Variants in PLXDC2 observed in about 807,000 individuals in gnomAD.
PLXDC2 encodes plexin domain containing 2, also known as plexin domain-containing protein 2.
A neutral mutation model predicts 68.9 loss-of-function variants in PLXDC2; 40 were observed. The observed-to-expected ratio is 0.58, with a 90% CI of 0.45 to 0.76. The LOEUF is 0.76. Ranked by LOEUF, PLXDC2 falls within the 30% of genes least tolerant of loss-of-function variation. The pLI is 0.00. For missense variants in PLXDC2, 644 were observed against 661.9 expected, an observed-to-expected ratio of 0.97 and a Z score of 0.30; for synonymous variants, 243 against 234.2, an observed-to-expected ratio of 1.04 and a Z score of -0.34.
intron 12 of PLXDC2, among the ~76,000 whole-genome samples, chr10:20,238,581 A>G (rs1835464687): frequency 1.3e-5 from 2 of 149,582 alleles, no homozygotes; most frequent in Admixed American, 1.3e-4. Flanking sequence ...CGGGAGGCAG[A>G]GGCTGCAGTG....
intron 1 of PLXDC2, among the ~76,000 whole-genome samples, chr10:19,831,454 C>T (rs2884470): frequency 0.27 from 40,860 of 151,802 alleles, 6,223 homozygotes; most frequent in East Asian, 0.46. Context: ...TTATTTTAGG[C>T]TGAGGGGTAC....
At chr10:19,973,069 T>G (rs1834380402) in intron 1 of PLXDC2, among the ~76,000 whole-genome samples, 1 of 151,948 alleles carries the variant, frequency 6.6e-6, no homozygotes, top group Non-Finnish European at 1.5e-5. Context: ...TAACTTAGAG[T>G]CCTTAATGAG....
intron 9 of PLXDC2, among the ~76,000 whole-genome samples, chr10:20,183,859 T>C (rs1176006969): frequency 1.3e-5 from 2 of 151,996 alleles, no homozygotes; most frequent in Non-Finnish European, 2.9e-5. Context: ...GCATAAGATA[T>C]TCGCAGTGAG....
intron 7 of PLXDC2, among the ~76,000 whole-genome samples, chr10:20,170,566 T>C (rs1834434544): frequency 6.6e-6 from 1 of 152,150 alleles, no homozygotes; most frequent in Non-Finnish European, 1.5e-5. Flanking sequence ...GCTTTGCCCA[T>C]GAAATATGCA....
chr10:20,234,074 G>A (rs966225251), intron 12 of PLXDC2, among the ~76,000 whole-genome samples: 4 of 151,274 alleles, frequency 2.6e-5, no homozygotes, highest in Non-Finnish European at 5.9e-5. Context: ...TGATCCTCTC[G>A]CCTCAGCTTC....
chr10:19,823,950 A>G (rs1445998551), intron 1 of PLXDC2, among the ~76,000 whole-genome samples: 1 of 152,078 alleles, frequency 6.6e-6, no homozygotes, highest in Non-Finnish European at 1.5e-5. Context: ...CAGGGCTGCA[A>G]TGAGCTGTGA....
At chr10:20,000,006 T>C (rs574353068) in intron 1 of PLXDC2, among the ~76,000 whole-genome samples, 3 of 152,270 alleles carry the variant, frequency 2.0e-5, no homozygotes, top group African/African-American at 7.2e-5. Context: ...GATTCTTCCT[T>C]GCACAGTAGT....
chr10:19,973,948 C>T lies in PLXDC2; in HGVS notation c.113-27827C>T, dbSNP rs368085863. 5.1e-3 allele frequency among the ~76,000 whole-genome samples: 774 copies of T among 152,302 alleles called. 3 individuals are homozygous for T. Among genetic ancestry groups the T allele is most frequent in the Non-Finnish European group, 8.8e-3 (596 of 68,022 alleles). ...GAATAAGGAGCTAAAATTAGAACAT[C>T]TCATTTTTTCAAGAGAGTTTTATAG... On this transcript the variant is annotated intron_variant, in intron 1 of 13. Coordinates refer to ENST00000377252, the MANE Select transcript of PLXDC2 (RefSeq NM_032812.9).
At chr10:20,162,347 G>A (rs1834311339) in intron 6 of PLXDC2, among the ~76,000 whole-genome samples, 1 of 152,130 alleles carries the variant, frequency 6.6e-6, no homozygotes, top group Non-Finnish European at 1.5e-5. Context: ...ATAAGCTCAA[G>A]TACTGCTGTG....
intron 7 of PLXDC2, among the ~76,000 whole-genome samples, chr10:20,173,020 A>G (rs1834469655): frequency 6.6e-6 from 1 of 152,204 alleles, no homozygotes; most frequent in African/African-American, 2.4e-5. Flanking sequence ...CCAACTAGCT[A>G]ATTCTGCTAA....
rs117057645 is a variant in PLXDC2, at chr10:20,221,139, G to A, written c.1312+2037G>A. ...ATTACAAGCGTGAGCCACCACGCACGGCCAACACTTTTTTTATGAGTAGTA... is the reference window on the plus strand; with the variant it reads ...ATTACAAGCGTGAGCCACCACGCACAGCCAACACTTTTTTTATGAGTAGTA... On this transcript the variant is annotated intron_variant, in intron 12 of 13. Coordinates refer to ENST00000377252, the MANE Select transcript of PLXDC2 (RefSeq NM_032812.9). 4.0e-4 allele frequency among the ~76,000 whole-genome samples: 56 copies of A among 139,880 alleles called. 2 individuals carry two copies. The East Asian group carries it at 0.01, about 26-fold the overall frequency. 91.8% of individuals were successfully genotyped at this position (139,880 alleles called of 152,430 possible). A position where few individuals can be genotyped will look rare whatever the true frequency, so the allele number is the denominator to read the frequency against.
chr10:19,913,918 A>C (rs1833319166), intron 1 of PLXDC2, among the ~76,000 whole-genome samples: 1 of 152,160 alleles, frequency 6.6e-6, no homozygotes, highest in African/African-American at 2.4e-5. Context: ...TAGTTAAAAC[A>C]CAGACACACA....
chr10:20,030,804 A>G (rs1022396972), intron 2 of PLXDC2, among the ~76,000 whole-genome samples: 17 of 152,142 alleles, frequency 1.1e-4, no homozygotes, highest in African/African-American at 4.1e-4. Flanking sequence ...GGGAACTCCG[A>G]GTATGTGTTT....
chr10:20,249,818 C>CTT lies in PLXDC2; in HGVS notation c.1473+4314_1473+4315insTT, dbSNP rs577880251. ...TGCATCACACGCTTCCAATTAAACT[C>CTT]TAACACACCCTTGACTGCAAGATAT... On this transcript the variant is annotated intron_variant, in intron 13 of 13. Coordinates refer to ENST00000377252, the MANE Select transcript of PLXDC2 (RefSeq NM_032812.9). Among the ~76,000 whole-genome samples the CTT allele has an allele frequency of 1.8e-4, 28 of 152,262 alleles. 1 individual carries two copies. In the South Asian group the frequency reaches 5.8e-3, roughly 32 times the overall value.
intron 2 of PLXDC2, among the ~76,000 whole-genome samples, chr10:20,028,552 A>G (rs973417066): frequency 6.6e-6 from 1 of 152,166 alleles, no homozygotes; most frequent in Non-Finnish European, 1.5e-5. Flanking sequence ...ATATAGATAT[A>G]CCAGGTTCTG....
intron 5 of PLXDC2, among the ~76,000 whole-genome samples, chr10:20,145,357 C>A (rs1416282628): frequency 2.0e-5 from 3 of 152,164 alleles, no homozygotes; most frequent in African/African-American, 7.2e-5. Context: ...AATACCACAA[C>A]AACTTGCTGA....
At chr10:19,945,101 C>T (rs1382678360) in intron 1 of PLXDC2, among the ~76,000 whole-genome samples, 1 of 152,240 alleles carries the variant, frequency 6.6e-6, no homozygotes, top group African/African-American at 2.4e-5. Flanking sequence ...TCTGTTTAAA[C>T]ATCCAGTTAG....
intron 1 of PLXDC2, among the ~76,000 whole-genome samples, chr10:19,991,603 G>A (rs1834752221): frequency 1.3e-5 from 2 of 152,090 alleles, no homozygotes; most frequent in Admixed American, 6.5e-5. Flanking sequence ...TCTATTGGCT[G>A]TCGTCTCTGG....
At chr10:20,111,986 G>A (rs537654557) in intron 4 of PLXDC2, among the ~76,000 whole-genome samples, 8 of 152,248 alleles carry the variant, frequency 5.3e-5, no homozygotes, top group Non-Finnish European at 1.0e-4. Context: ...GACTCATGGT[G>A]GGATTAATGC....
Sources: gnomAD v4.1 joint callset for allele counts (sites outside exome capture counted in the v4.1 genomes callset) on GRCh38, gnomAD v4.1.1 for gene constraint, MANE v1.5 for transcripts, NCBI Gene and HGNC (gene_info 2026-07-23, HGNC 2026-07-21) for gene names.